Variants in TNRC6A observed in about 807,000 individuals in gnomAD.
TNRC6A encodes trinucleotide repeat-containing gene 6A protein.
TNRC6A carries 44 observed loss-of-function variants against 221.2 expected under a neutral mutation model. The observed-to-expected ratio is 0.20, with a 90% confidence interval of 0.16 to 0.26. The LOEUF is 0.26. Ranked by LOEUF, TNRC6A falls within the 10% of genes least tolerant of loss-of-function variation. TNRC6A has a pLI of 1.00. For missense variants in TNRC6A, 2,199 were observed against 2,404.4 expected (o/e 0.91, Z 1.79); for synonymous variants, 847 against 838.5 (o/e 1.01, Z -0.18).
At chr16:24,778,300 C>T in intron 5 of TNRC6A, 1 of 985,048 alleles carries the variant, frequency 1.0e-6, no homozygotes, top group Non-Finnish European at 1.2e-6. Context: ...TTTTATATAC[C>T]AAGAACTACT....
chr16:24,731,703 C>T (rs987606510), intron 2 of TNRC6A, among the ~76,000 whole-genome samples: 1 of 152,118 alleles, frequency 6.6e-6, no homozygotes, highest in African/African-American at 2.4e-5. Context: ...CAGTATAATT[C>T]CTATGAAGGT....
chr16:24,815,448 G>A, intron 19 of TNRC6A, 143 bp downstream of exon 19: 1 of 962,572 alleles, frequency 1.0e-6, no homozygotes, highest in Non-Finnish European at 1.6e-6. Flanking sequence ...AGTGATTGAG[G>A]AAAAGTTAAG....
At position 24,777,410 on chromosome 16, in the gene TNRC6A, T is replaced by C. The variant is rs529021367; in HGVS notation, c.589+52T>C. ...TCACACCTTATCATCATTAGCTGTA[T>C]AGCAAGTTGATAAATTCGTAGCTTT... On this transcript the variant is annotated intron_variant, in intron 5 of 24. Coordinates refer to ENST00000395799, the MANE Select transcript of TNRC6A (RefSeq NM_014494.4). 226 of 1,532,028 alleles carry C rather than the reference T, an allele frequency of 1.5e-4. 2 individuals are homozygous for C. In the South Asian group the frequency reaches 2.5e-3, roughly 17 times the overall value. The allele number at this position is 1,532,028 out of a possible 1,614,324, so 94.9% of individuals were successfully genotyped here.
intron 18 of TNRC6A, among the ~76,000 whole-genome samples, chr16:24,811,792 A>G (rs2058548975): frequency 6.6e-6 from 1 of 151,968 alleles, no homozygotes; most frequent in Non-Finnish European, 1.5e-5. Context: ...CCTCAAATGT[A>G]TGATTGCTAG....
chr16:24,669,062 T>C (rs1475835658), intron 2 of TNRC6A, among the ~76,000 whole-genome samples: 1 of 152,130 alleles, frequency 6.6e-6, no homozygotes, highest in East Asian at 1.9e-4. Flanking sequence ...CCACATTTAT[T>C]TGACCAATGA....
At position 24,675,698 on chromosome 16, in the gene TNRC6A, CTCTCTATA is replaced by C. The variant is rs1440398016; in HGVS notation, n.402+34691_402+34698del. On this transcript the variant is annotated intron_variant and non_coding_transcript_variant, in intron 2 of 2. Transcript: ENST00000566108. Reference sequence around the variant, plus strand: ...TCTCTCTCTCTCTCTCTCTCTCTCTCTCTCTATATATATATATATATATATATATATAT... The same window carrying C: ...TCTCTCTCTCTCTCTCTCTCTCTCTCTATATATATATATATATATATATAT... 3.8e-3 allele frequency among the ~76,000 whole-genome samples: 253 copies of C among 66,410 alleles called. 1 individual carries two copies. Among genetic ancestry groups the C allele is most frequent in the Non-Finnish European group, 5.1e-3 (174 of 34,074 alleles). 43.6% of individuals were successfully genotyped at this position (66,410 alleles called of 152,430 possible).
chr16:24,719,144 T>C (rs147669099), intron 2 of TNRC6A, among the ~76,000 whole-genome samples: 2 of 152,282 alleles, frequency 1.3e-5, no homozygotes, highest in African/African-American at 4.8e-5. Context: ...TACTAGGCAT[T>C]GTGCTAGAGG....
chr16:24,712,304 T>C (rs2056220410), intron 2 of TNRC6A, among the ~76,000 whole-genome samples: 1 of 152,206 alleles, frequency 6.6e-6, no homozygotes, highest in Non-Finnish European at 1.5e-5. Context: ...CACACCCGGC[T>C]GCTGTAACAC....
At chr16:24,714,706 T>C (rs76223692) in intron 2 of TNRC6A, among the ~76,000 whole-genome samples, 17,142 of 152,152 alleles carry the variant, frequency 0.11, 2,235 homozygotes, top group East Asian at 0.36. Context: ...TTTCAGGGCT[T>C]TGCTTAACTT....
intron 2 of TNRC6A, among the ~76,000 whole-genome samples, chr16:24,673,426 G>A (rs1473932182): frequency 2.0e-5 from 3 of 152,154 alleles, no homozygotes; most frequent in East Asian, 3.9e-4. Context: ...CGCTCACCGA[G>A]GGATGCCTGT....
At chr16:24,703,652 A>G (rs535936046) in intron 2 of TNRC6A, among the ~76,000 whole-genome samples, 4 of 152,366 alleles carry the variant, frequency 2.6e-5, no homozygotes, top group African/African-American at 9.6e-5. Flanking sequence ...CATTTGAGTT[A>G]CTTCTACTTT....
At chr16:24,612,517 C>T (rs777813554) in intron 1 of TNRC6A, among the ~76,000 whole-genome samples, 1 of 151,448 alleles carries the variant, frequency 6.6e-6, no homozygotes, top group Non-Finnish European at 1.5e-5. Flanking sequence ...GGGGCCTAGG[C>T]GGCTGGATTG....
chr16:24,664,648 A>C (rs2055112647), intron 2 of TNRC6A, among the ~76,000 whole-genome samples: 1 of 142,654 alleles, frequency 7.0e-6, no homozygotes, highest in Non-Finnish European at 1.5e-5. Flanking sequence ...AAATATATTT[A>C]TTAATAATAA....
chr16:24,823,359 A>T lies in TNRC6A; in HGVS notation c.5514-73A>T. ...GGCTTTTCTAGCAGAGACAAGTTGC[A>T]CCCTCACTTGTGAGTGAATGAAGCC... On this transcript the variant is annotated intron_variant, in intron 24 of 24. Coordinates refer to ENST00000395799, the MANE Select transcript of TNRC6A (RefSeq NM_014494.4). This position sits in a 1 kb window ranked among gnomAD's most constrained non-coding sequence, Gnocchi z 4.3. The T allele has an allele frequency of 6.6e-7, 1 of 1,513,208 alleles. No individual in the cohort carries two copies. The highest frequency in any genetic ancestry group is 2.0e-5 in the Admixed American group (1 of 49,982). The allele number at this position is 1,513,208 out of a possible 1,614,324, so 93.7% of individuals were successfully genotyped here.
chr16:24,739,918 T>G (rs1382238521), intron 2 of TNRC6A, among the ~76,000 whole-genome samples: 4 of 152,216 alleles, frequency 2.6e-5, no homozygotes, highest in Admixed American at 1.3e-4. Context: ...TTCTAATAAT[T>G]TTATAGTTTT....
intron 1 of TNRC6A, among the ~76,000 whole-genome samples, chr16:24,610,802 C>A (rs1300753656): frequency 6.6e-6 from 1 of 151,840 alleles, no homozygotes; most frequent in Non-Finnish European, 1.5e-5. Context: ...CCACCCCCTG[C>A]CCTCAGATTT....
chr16:24,617,120 CT>C (rs796479701), intron 1 of TNRC6A, among the ~76,000 whole-genome samples: 2,661 of 143,334 alleles, frequency 0.019, 60 homozygotes, highest in African/African-American at 0.06. Flanking sequence ...TTTTGAGCAT[CT>C]TTTTTTTTTT....
intron 2 of TNRC6A, among the ~76,000 whole-genome samples, chr16:24,719,527 A>T (rs972298089): frequency 6.6e-6 from 1 of 151,958 alleles, no homozygotes; most frequent in Non-Finnish European, 1.5e-5. Context: ...GGGTGTGGCG[A>T]CAGGTCCCTG....
intron 2 of TNRC6A, among the ~76,000 whole-genome samples, chr16:24,743,000 G>A (rs2056924556): frequency 6.6e-6 from 1 of 152,156 alleles, no homozygotes; most frequent in African/African-American, 2.4e-5. Flanking sequence ...TGTTTGGATT[G>A]GAAAGAATCA....
Sources: gnomAD v4.1 joint callset for allele counts (sites outside exome capture counted in the v4.1 genomes callset) on GRCh38, gnomAD v4.1.1 for gene constraint, Gnocchi (gnomAD v3.1) non-coding constraint, MANE v1.5 for transcripts, NCBI Gene and HGNC (gene_info 2026-07-23, HGNC 2026-07-21) for gene names.